Variants in TANC1 observed in about 807,000 individuals in gnomAD.
TANC1 encodes the protein tetratricopeptide repeat, ankyrin repeat and coiled-coil containing 1.
A neutral mutation model predicts 149.7 loss-of-function variants in TANC1; 77 were observed. The ratio of observed to expected loss-of-function variants is 0.51; its 90% CI spans 0.43 to 0.62. The LOEUF (loss-of-function observed/expected upper bound fraction) is 0.62, where lower values mean the gene tolerates loss of function less well. Ranked by LOEUF, TANC1 falls within the 20% of genes least tolerant of loss-of-function variation. The pLI, the probability that TANC1 is intolerant of heterozygous loss-of-function variation, is 0.00. For synonymous variants in TANC1, 854 were observed against 925.0 expected (o/e 0.92, Z 1.39); for missense variants, 1,985 against 2,321.8 (o/e 0.85, Z 2.98).
At chr2:159,091,643 C>G (rs140445535) in intron 3 of TANC1, among the ~76,000 whole-genome samples, 20 of 152,344 alleles carry the variant, frequency 1.3e-4, no homozygotes, top group Admixed American at 1.3e-3. Context: ...ACAGTATTTA[C>G]TGATCTCTGT....
At chr2:159,016,415 C>T (rs2038270492) in intron 2 of TANC1, among the ~76,000 whole-genome samples, 1 of 152,132 alleles carries the variant, frequency 6.6e-6, no homozygotes, top group Non-Finnish European at 1.5e-5. Context: ...GGACACAGAG[C>T]CAAACCATAT....
chr2:159,110,165 C>T (rs538042853), intron 4 of TANC1, among the ~76,000 whole-genome samples: 173 of 152,148 alleles, frequency 1.1e-3, no homozygotes, highest in African/African-American at 4.0e-3. Context: ...AACATGTTGC[C>T]AAGAGAAAGC....
chr2:159,185,832 A>G lies in TANC1; in HGVS notation c.2552A>G (p.Glu851Gly), dbSNP rs1363859898. ...ALLAFMFSRQ[E>G]GKLNRQQTME... ...TTGGCATTCATGTTCTCGCGTCAGG[A>G]GGGCAAGTTGAACCGCCAGCAGACC... is the stretch of plus-strand genomic sequence containing the variant. Residue 851 changes from glutamate (E) to glycine (G), a missense_variant, in exon 15 of 27, where the codon GAG (glutamate) becomes GGG (glycine). By Grantham distance (98) the Glu-to-Gly change is moderately conservative (BLOSUM62 -2). Around this residue, in one of 3 missense-constraint regions of TANC1, gnomAD observed 508 missense variants for 714.2 expected, o/e 0.71. Coordinates refer to ENST00000263635, the MANE Select transcript of TANC1 (RefSeq NM_033394.3). 6.2e-7 allele frequency: 1 copy of G among 1,614,136 alleles called. No homozygotes were observed. The highest frequency in any genetic ancestry group is 1.3e-5 in the African/African-American group (1 of 75,040).
rs147456949 is a variant in TANC1 at position 159,029,145 on chromosome 2, C to G, written c.-16+27956C>G. On this transcript the variant is annotated intron_variant, in intron 2 of 26. Coordinates refer to ENST00000263635, the MANE Select transcript of TANC1 (RefSeq NM_033394.3). ...TTTTATTTCTCTTGTGTGATGTCTT[C>G]AAGTTTCATTCATGTGGTAGCATGT... Among the ~76,000 whole-genome samples, 52 of 152,286 alleles carry G rather than the reference C, an allele frequency of 3.4e-4. 1 individual carries two copies. In the East Asian group the frequency reaches 3.7e-3, roughly 11 times the overall value.
At chr2:159,180,905 C>A (rs899049284) in intron 14 of TANC1, among the ~76,000 whole-genome samples, 1 of 152,094 alleles carries the variant, frequency 6.6e-6, no homozygotes, top group Non-Finnish European at 1.5e-5. Context: ...TTCATGTGGA[C>A]CTCACAAGAG....
intron 4 of TANC1, among the ~76,000 whole-genome samples, chr2:159,127,197 C>G (rs1393036583): frequency 1.3e-5 from 2 of 152,068 alleles, no homozygotes; most frequent in African/African-American, 4.8e-5. Flanking sequence ...ACATGGCCAA[C>G]AAACATAAGA....
chr2:159,131,026 G>T (rs1314267540), intron 4 of TANC1, among the ~76,000 whole-genome samples: 1 of 151,708 alleles, frequency 6.6e-6, no homozygotes, highest in Admixed American at 6.6e-5. Flanking sequence ...TTGGGGTGGG[G>T]GGTCCCCAAC....
chr2:159,218,486 T>C (rs1355529247), intron 20 of TANC1, among the ~76,000 whole-genome samples: 3 of 152,170 alleles, frequency 2.0e-5, no homozygotes, highest in Non-Finnish European at 4.4e-5. Context: ...AAGCATTTGT[T>C]AGTGGATAAA....
At chr2:159,080,607 T>C (rs1193579099) in intron 3 of TANC1, among the ~76,000 whole-genome samples, 1 of 152,176 alleles carries the variant, frequency 6.6e-6, no homozygotes, top group African/African-American at 2.4e-5. Flanking sequence ...CTGAATAAAG[T>C]TGGAAAAAGA....
At chr2:159,141,797 G>T (rs1339939956) in intron 5 of TANC1, among the ~76,000 whole-genome samples, 1 of 152,182 alleles carries the variant, frequency 6.6e-6, no homozygotes, top group Non-Finnish European at 1.5e-5. Context: ...GGACTAAGGT[G>T]CAAGGAGCAC....
At chr2:159,185,729 G>A (rs2056910027) in intron 14 of TANC1, 62 bp from the exon 15 acceptor site, 2 of 1,105,422 alleles carry the variant, frequency 1.8e-6, no homozygotes, top group Non-Finnish European at 2.7e-6. Context: ...TGAATTGAGG[G>A]TGGGTCTGCG....
chr2:159,016,940 G>T (rs576580998), intron 2 of TANC1, among the ~76,000 whole-genome samples: 96 of 152,170 alleles, frequency 6.3e-4, no homozygotes, highest in African/African-American at 2.1e-3. Flanking sequence ...TCCATTGCTG[G>T]TTTATGGATT....
chr2:158,985,718 A>C (rs1024768181), intron 1 of TANC1, among the ~76,000 whole-genome samples: 3 of 151,772 alleles, frequency 2.0e-5, no homozygotes, highest in Admixed American at 6.6e-5. Context: ...ATCTCGGTTC[A>C]CTACAGCCTC....
intron 2 of TANC1, among the ~76,000 whole-genome samples, chr2:159,030,059 A>G (rs1317806049): frequency 6.6e-6 from 1 of 152,118 alleles, no homozygotes; most frequent in East Asian, 1.9e-4. Context: ...TTTCCCCACA[A>G]AAACCCTTTT....
At chr2:159,154,604 C>T (rs1422105694) in intron 7 of TANC1, among the ~76,000 whole-genome samples, 1 of 152,102 alleles carries the variant, frequency 6.6e-6, no homozygotes, top group Non-Finnish European at 1.5e-5. Context: ...AGGGGAGTCC[C>T]GCTTTATCCT....
intron 19 of TANC1, among the ~76,000 whole-genome samples, chr2:159,209,210 G>T (rs1224808245): frequency 2.6e-5 from 4 of 152,174 alleles, no homozygotes; most frequent in Non-Finnish European, 5.9e-5. Context: ...TGGGGTGTTT[G>T]TCTCCCAGTG....
At chr2:159,180,487 T>C (rs575529304) in intron 14 of TANC1, among the ~76,000 whole-genome samples, 23 of 152,294 alleles carry the variant, frequency 1.5e-4, no homozygotes, top group African/African-American at 5.3e-4. Context: ...TGGTGGGCAT[T>C]GAGGTTATGT....
chr2:159,174,677 CTGTT>C (rs2055642864), intron 11 of TANC1, among the ~76,000 whole-genome samples: 1 of 152,090 alleles, frequency 6.6e-6, no homozygotes, highest in Non-Finnish European at 1.5e-5. Flanking sequence ...TTTATGAATG[CTGTT>C]TGTTTATATT....
chr2:159,087,394 T>G (rs1490417392), intron 3 of TANC1, among the ~76,000 whole-genome samples: 3 of 152,084 alleles, frequency 2.0e-5, no homozygotes, highest in African/African-American at 7.2e-5. Context: ...AATAGCCTGG[T>G]GCAGTTTTAG....
Sources: gnomAD v4.1 joint callset for allele counts (sites outside exome capture counted in the v4.1 genomes callset) on GRCh38, gnomAD v4.1.1 for gene constraint, gnomAD v4.1.1 regional missense constraint, MANE v1.5 for transcripts, NCBI Gene and HGNC (gene_info 2026-07-23, HGNC 2026-07-21) for gene names.